Variants in FARP1 observed in about 807,000 individuals in gnomAD.
The protein encoded by FARP1 is FERM, ARHGEF and pleckstrin domain-containing protein 1.
In FARP1, 52 loss-of-function variants were observed where a neutral mutation model predicts 128.8. The observed-to-expected ratio is 0.40, with a 90% CI of 0.32 to 0.51. The LOEUF (loss-of-function observed/expected upper bound fraction) is 0.51. Among genes scored for constraint, FARP1 ranks in the 20% least tolerant of loss-of-function variants. The pLI, the probability that FARP1 is intolerant of heterozygous loss-of-function variation, is 0.45. For missense variants in FARP1, 1,333 were observed against 1,367.9 expected (o/e 0.97, Z 0.40); for synonymous variants, 580 against 551.8 (o/e 1.05, Z -0.72).
At chr13:98,235,479 T>A (rs1324579507) in intron 2 of FARP1, among the ~76,000 whole-genome samples, 1 of 152,134 alleles carries the variant, frequency 6.6e-6, no homozygotes, top group African/African-American at 2.4e-5. Context: ...TACACAGGTA[T>A]CGGAGACAGA....
chr13:98,221,594 T>G (rs1386953921), intron 2 of FARP1, among the ~76,000 whole-genome samples: 2 of 152,230 alleles, frequency 1.3e-5, no homozygotes, highest in Non-Finnish European at 2.9e-5. Flanking sequence ...TCTGTGAGCT[T>G]CAGTTTAATC....
rs564733476 is a variant in FARP1, at chr13:98,160,266, AT to A, written c.-24+16775del. 1.2e-3 allele frequency among the ~76,000 whole-genome samples: 186 copies of A among 152,288 alleles called. 1 individual carries two copies. Among genetic ancestry groups the A allele is most frequent in the African/African-American group, 3.1e-3 (129 of 41,570 alleles). ...GAAATGAAGCCTCCTTTGAGTGGAT[AT>A]GCCAGCACTCTGGCAGGTGTGTGCT... On this transcript the variant is annotated intron_variant, in intron 1 of 26. Transcript: ENST00000319562.
At chr13:98,156,867 A>G (rs1876528947) in intron 1 of FARP1, among the ~76,000 whole-genome samples, 2 of 152,206 alleles carry the variant, frequency 1.3e-5, no homozygotes, top group Admixed American at 6.5e-5. Context: ...CCTAGAATGT[A>G]TACATGTTTT....
At chr13:98,356,020 G>A (rs1388998819) in intron 3 of FARP1, among the ~76,000 whole-genome samples, 2 of 152,104 alleles carry the variant, frequency 1.3e-5, no homozygotes, top group African/African-American at 4.8e-5. Flanking sequence ...TTATGGTCCC[G>A]AATATGTCTT....
rs114714941 is a variant in FARP1 at position 98,146,617 on chromosome 13, T to C, written c.-24+3125T>C. Among the ~76,000 whole-genome samples the C allele has an allele frequency of 1.7e-3, 265 of 152,296 alleles. 1 individual carries two copies. Among genetic ancestry groups the C allele is most frequent in the African/African-American group, 6.0e-3 (249 of 41,554 alleles). On this transcript the variant is annotated intron_variant, in intron 1 of 26. Transcript: ENST00000319562. ...GCTTATTGCAGATAACTGCTTAGTGTTTTTGAGAAATGCACTTTCCTCACC... is the reference window on the plus strand; with the variant it reads ...GCTTATTGCAGATAACTGCTTAGTGCTTTTGAGAAATGCACTTTCCTCACC...
chr13:98,434,225 G>T (rs1318989831), intron 18 of FARP1: 2 of 152,108 alleles, frequency 1.3e-5, no homozygotes, highest in Non-Finnish European at 2.9e-5. Context: ...GGGGGCCGGG[G>T]TGCCATCATT....
chr13:98,238,696 T>G (rs1188190072), intron 2 of FARP1, among the ~76,000 whole-genome samples: 1 of 152,178 alleles, frequency 6.6e-6, no homozygotes, highest in Non-Finnish European at 1.5e-5. Flanking sequence ...GCCCCCATGA[T>G]TCAGTTACCT....
chr13:98,422,744 C>T (rs967760678), intron 16 of FARP1, among the ~76,000 whole-genome samples: 1 of 152,118 alleles, frequency 6.6e-6, no homozygotes, highest in African/African-American at 2.4e-5. Context: ...CTCTTCTGTT[C>T]GTCAGAAGAT....
chr13:98,343,936 A>G (rs1265505673), intron 3 of FARP1, 70 bp downstream of exon 3: 7 of 966,016 alleles, frequency 7.2e-6, no homozygotes, highest in African/African-American at 6.7e-5. Flanking sequence ...GGCAGGGGCC[A>G]GTCTAAATGA....
At chr13:98,360,070 T>C (rs1352102117) in intron 3 of FARP1, among the ~76,000 whole-genome samples, 1 of 150,002 alleles carries the variant, frequency 6.7e-6, no homozygotes, top group East Asian at 1.9e-4. Flanking sequence ...AGAATGTGAG[T>C]GTATTCAGAG....
At chr13:98,299,452 A>G (rs558031615) in intron 2 of FARP1, among the ~76,000 whole-genome samples, 1 of 152,320 alleles carries the variant, frequency 6.6e-6, no homozygotes, top group South Asian at 2.1e-4. Flanking sequence ...TACTGAAGTG[A>G]GAGCTTTGAC....
At chr13:98,175,041 CAG>C (rs1877904554) in intron 1 of FARP1, among the ~76,000 whole-genome samples, 1 of 152,120 alleles carries the variant, frequency 6.6e-6, no homozygotes, top group Admixed American at 6.6e-5. Flanking sequence ...CGCTCTGCCG[CAG>C]TTGCTTGCAT....
At chr13:98,437,630 C>A (rs749422580) in intron 19 of FARP1, 25 of 585,236 alleles carry the variant, frequency 4.3e-5, no homozygotes, top group Non-Finnish European at 7.3e-5. Context: ...TTTCTATCAG[C>A]CAAGGCTCTG....
chr13:98,223,770 G>A (rs755261627), intron 2 of FARP1, among the ~76,000 whole-genome samples: 12 of 152,196 alleles, frequency 7.9e-5, no homozygotes, highest in Non-Finnish European at 1.5e-4. Flanking sequence ...TGTTAGGAAA[G>A]TTATTTTTAC....
chr13:98,224,371 C>CA (rs1206435455), intron 2 of FARP1, among the ~76,000 whole-genome samples: 2 of 151,106 alleles, frequency 1.3e-5, no homozygotes, highest in Non-Finnish European at 3.0e-5. Flanking sequence ...ACTAAAAATA[C>CA]AAAAAATTAG....
At chr13:98,343,966 A>G (rs1369932441) in intron 3 of FARP1, 100 bp downstream of exon 3, 3 of 803,754 alleles carry the variant, frequency 3.7e-6, no homozygotes, top group Non-Finnish European at 4.3e-6. Context: ...AGATATTTTC[A>G]TGCTGTCTGT....
At position 98,409,468 on chromosome 13, in the gene FARP1, G is replaced by T; in HGVS notation, c.1545G>T (p.Pro515=). 1 of 1,613,880 alleles carries T rather than the reference G, an allele frequency of 6.2e-7. No individual in the cohort carries two copies. The highest frequency in any genetic ancestry group is 8.5e-7 in the Non-Finnish European group (1 of 1,179,938). Residue 515 remains proline (P), a synonymous_variant, in exon 14 of 27, where the codon CCG becomes CCT. Coordinates refer to ENST00000319562, the MANE Select transcript of FARP1 (RefSeq NM_005766.4). ...AGCAGGCCTCTCCCTTGATCAGCCC[G>T]CTGCTGAATGACCAGGCCTGCCCCC... ...DTKQASPLIS[P]LLNDQACPRT...
chr13:98,392,323 C>CAAAAAAAAAAAAAAAAAAAAAAAAAA (rs11289484), intron 11 of FARP1, among the ~76,000 whole-genome samples: 1 of 60,410 alleles, frequency 1.7e-5, no homozygotes, highest in African/African-American at 6.6e-5. Flanking sequence ...CATCTCTACC[C>CAAAAAAAAAAAAAAAAAAAAAAAAAA]AAAAAAAAAA....
At chr13:98,203,549 G>T (rs988349318) in intron 1 of FARP1, among the ~76,000 whole-genome samples, 1 of 152,192 alleles carries the variant, frequency 6.6e-6, no homozygotes, top group Non-Finnish European at 1.5e-5. Context: ...ATGTTTGCGA[G>T]GTCCATCTAT....
Sources: gnomAD v4.1 joint callset for allele counts (sites outside exome capture counted in the v4.1 genomes callset) on GRCh38, gnomAD v4.1.1 for gene constraint, MANE v1.5 for transcripts, NCBI Gene and HGNC (gene_info 2026-07-23, HGNC 2026-07-21) for gene names.